Variants in LRRC4C observed in about 807,000 individuals in gnomAD.
LRRC4C encodes leucine-rich repeat-containing protein 4C.
In LRRC4C, 5 loss-of-function variants were observed where a neutral mutation model predicts 33.6. The ratio of observed to expected loss-of-function variants is 0.15; its 90% CI spans 0.08 to 0.31. The LOEUF (loss-of-function observed/expected upper bound fraction) is 0.31, where lower values mean the gene tolerates loss of function less well. Among genes scored for constraint, LRRC4C ranks in the 10% least tolerant of loss-of-function variants. LRRC4C has a pLI of 1.00. For missense variants in LRRC4C, 560 were observed against 796.7 expected, an observed-to-expected ratio of 0.70 and a Z score of 3.58; for synonymous variants, 329 against 302.0, an observed-to-expected ratio of 1.09 and a Z score of -0.93.
intron 2 of LRRC4C, among the ~76,000 whole-genome samples, chr11:40,664,896 G>A (rs987997433): frequency 4.6e-5 from 7 of 151,660 alleles, no homozygotes; most frequent in Non-Finnish European, 7.4e-5. Context: ...TTTACATTAG[G>A]TATATCTCCT....
chr11:40,576,151 G>T (rs1256314472), intron 3 of LRRC4C, among the ~76,000 whole-genome samples: 1 of 152,128 alleles, frequency 6.6e-6, no homozygotes, highest in African/African-American at 2.4e-5. Context: ...CCACGACAAA[G>T]GTCTGTAGAG....
At chr11:40,163,776 C>T (rs1398392572) in intron 5 of LRRC4C, among the ~76,000 whole-genome samples, 1 of 152,004 alleles carries the variant, frequency 6.6e-6, no homozygotes, top group Non-Finnish European at 1.5e-5. Flanking sequence ...CTTATATAAT[C>T]CTCCCACTGA....
intron 1 of LRRC4C, among the ~76,000 whole-genome samples, chr11:41,384,154 G>A (rs966299633): frequency 1.3e-5 from 2 of 151,840 alleles, no homozygotes; most frequent in Non-Finnish European, 2.9e-5. Flanking sequence ...ATAGATTCTT[G>A]AAGGTAACAG....
Position 41,391,330 on chromosome 11 carries a change from CA to C in LRRC4C, c.-496+68100del, listed in dbSNP as rs568543843. The stretch of plus-strand genomic sequence containing the variant: ...GAATCAGGGGTTACCACAAGTGGAG[CA>C]GGGGGGAGAAGAACTGGGGATATGT... On this transcript the variant is annotated intron_variant, in intron 1 of 6. Coordinates refer to ENST00000528697, the MANE Select transcript of LRRC4C (RefSeq NM_001258419.2). 3.0e-4 allele frequency among the ~76,000 whole-genome samples: 45 copies of C among 151,706 alleles called. No homozygotes were observed. In the South Asian group the frequency reaches 9.2e-3, roughly 31 times the overall value.
At chr11:40,384,480 T>C (rs1178662508) in intron 3 of LRRC4C, among the ~76,000 whole-genome samples, 1 of 152,060 alleles carries the variant, frequency 6.6e-6, no homozygotes, top group African/African-American at 2.4e-5. Flanking sequence ...TTTAGACAGA[T>C]TATATAGTTT....
intron 3 of LRRC4C, among the ~76,000 whole-genome samples, chr11:40,497,049 A>G (rs1014844194): frequency 1.3e-5 from 2 of 152,118 alleles, no homozygotes; most frequent in African/African-American, 4.8e-5. Flanking sequence ...ATTGTTTTGA[A>G]AATAGCAGGG....
chr11:41,097,451 C>A lies in LRRC4C; in HGVS notation c.-495-163728G>T, dbSNP rs141298361. Reference sequence around the variant, plus strand: ...TTGACTAACATTAGACATTTGAACACCACCCTAGTACAAAGAATGTTCTTC... The same window carrying A: ...TTGACTAACATTAGACATTTGAACAACACCCTAGTACAAAGAATGTTCTTC... On this transcript the variant is annotated intron_variant, in intron 1 of 6. Coordinates refer to ENST00000528697, the MANE Select transcript of LRRC4C (RefSeq NM_001258419.2). Among the ~76,000 whole-genome samples, 6 of 152,188 alleles carry A rather than the reference C, an allele frequency of 3.9e-5. No individual in the cohort carries two copies. In the East Asian group the frequency reaches 1.2e-3, roughly 29 times the overall value.
At chr11:40,345,281 T>A (rs537807138) in intron 3 of LRRC4C, among the ~76,000 whole-genome samples, 1 of 152,182 alleles carries the variant, frequency 6.6e-6, no homozygotes, top group East Asian at 1.9e-4. Flanking sequence ...AGGCATCACA[T>A]TACCTGTCTT....
At chr11:40,602,531 A>T (rs1436504362) in intron 3 of LRRC4C, among the ~76,000 whole-genome samples, 1 of 152,196 alleles carries the variant, frequency 6.6e-6, no homozygotes, top group Non-Finnish European at 1.5e-5. Flanking sequence ...ATGTTATCAC[A>T]ATATAGAAAA....
intron 1 of LRRC4C, among the ~76,000 whole-genome samples, chr11:40,971,180 G>A (rs1341399940): frequency 6.6e-6 from 1 of 152,198 alleles, no homozygotes; most frequent in Non-Finnish European, 1.5e-5. Context: ...GGGCAATGGA[G>A]GAAAGGCCTC....
chr11:41,028,496 C>A (rs1856522009), intron 1 of LRRC4C, among the ~76,000 whole-genome samples: 1 of 151,244 alleles, frequency 6.6e-6, no homozygotes, highest in Admixed American at 6.6e-5. Context: ...ACTTTAGCTT[C>A]TCTCTCACTT....
chr11:40,736,972 A>T (rs182117776), intron 2 of LRRC4C, among the ~76,000 whole-genome samples: 1 of 149,728 alleles, frequency 6.7e-6, no homozygotes, highest in East Asian at 2.0e-4. Flanking sequence ...ATGATAGTTT[A>T]TTTTCCTGTA....
At chr11:41,129,979 C>T (rs1482451910) in intron 1 of LRRC4C, among the ~76,000 whole-genome samples, 1 of 151,898 alleles carries the variant, frequency 6.6e-6, no homozygotes, top group African/African-American at 2.4e-5. Context: ...TAAATACCAA[C>T]CACCAAGCTC....
intron 5 of LRRC4C, among the ~76,000 whole-genome samples, chr11:40,182,366 A>G (rs937407597): frequency 6.6e-6 from 1 of 152,162 alleles, no homozygotes; most frequent in African/African-American, 2.4e-5. Flanking sequence ...AAAGGAAACA[A>G]ACAAGTATAA....
Position 41,324,609 on chromosome 11 carries a change from G to A in LRRC4C, c.-496+134822C>T, listed in dbSNP as rs76686899. Among the ~76,000 whole-genome samples, 1,212 of 152,248 alleles carry A rather than the reference G, an allele frequency of 8.0e-3. 9 individuals are homozygous for A. The highest frequency in any genetic ancestry group is 0.026 in the African/African-American group (1,095 of 41,538). On this transcript the variant is annotated intron_variant, in intron 1 of 6. Transcript: ENST00000528697. ...ATGGCACCATACAATCTCAATAAAT[G>A]TTTAGGGCTTTCTAAAATGTTCTCC... is the stretch of plus-strand genomic sequence containing the variant.
rs1857508456 is a variant in LRRC4C, at chr11:41,042,630, A to G, written c.-495-108907T>C. ...TTTTTTCTGCATTTCACTCACATCA[A>G]TTTTGTCTTAGATCTTCAAGGGGCT... On this transcript the variant is annotated intron_variant, in intron 1 of 6. Transcript: ENST00000528697. 2.0e-5 allele frequency among the ~76,000 whole-genome samples: 3 copies of G among 151,856 alleles called. No homozygotes were observed. The South Asian group carries it at 6.2e-4, about 32-fold the overall frequency.
At chr11:40,755,879 A>G (rs1948923191) in intron 2 of LRRC4C, among the ~76,000 whole-genome samples, 6 of 152,088 alleles carry the variant, frequency 3.9e-5, no homozygotes, top group Admixed American at 3.9e-4. Flanking sequence ...CTCTCCTGCA[A>G]TTCATCTGTT....
chr11:41,179,980 G>A (rs1319672299), intron 1 of LRRC4C, among the ~76,000 whole-genome samples: 2 of 152,132 alleles, frequency 1.3e-5, no homozygotes, highest in Non-Finnish European at 2.9e-5. Flanking sequence ...TGTAAGGGCC[G>A]CTGTGGGACA....
intron 2 of LRRC4C, among the ~76,000 whole-genome samples, chr11:40,852,696 A>G (rs943581284): frequency 1.3e-5 from 2 of 152,192 alleles, no homozygotes; most frequent in African/African-American, 2.4e-5. Flanking sequence ...AATCTTTACA[A>G]GCTGTCAACA....
Sources: gnomAD v4.1 joint callset for allele counts (sites outside exome capture counted in the v4.1 genomes callset) on GRCh38, gnomAD v4.1.1 for gene constraint, MANE v1.5 for transcripts, NCBI Gene and HGNC (gene_info 2026-07-23, HGNC 2026-07-21) for gene names.